Variants in PCDH15 observed in about 807,000 individuals in gnomAD.
PCDH15 encodes the protein protocadherin related 15, also known as protocadherin-15.
Under a neutral mutation model 178.5 loss-of-function variants are expected in PCDH15, and 129 were observed. That is an observed-to-expected ratio of 0.72 (90% CI 0.63 to 0.84). The LOEUF (loss-of-function observed/expected upper bound fraction) is 0.84, where lower values mean the gene tolerates loss of function less well. Among genes scored for constraint, PCDH15 ranks in the 40% least tolerant of loss-of-function variants. The pLI is 0.00. For synonymous variants in PCDH15, 800 were observed against 732.0 expected, an observed-to-expected ratio of 1.09 and a Z score of -1.50; for missense variants, 2,230 against 2,099.9, an observed-to-expected ratio of 1.06 and a Z score of -1.21.
At chr10:54,785,372 T>C (rs1033741295) in intron 1 of PCDH15, among the ~76,000 whole-genome samples, 4 of 152,012 alleles carry the variant, frequency 2.6e-5, no homozygotes, top group Non-Finnish European at 2.9e-5. Flanking sequence ...CCCTCCTCCT[T>C]TCTTAAGCTT....
intron 2 of PCDH15, among the ~76,000 whole-genome samples, chr10:55,509,348 A>G (rs1840829958): frequency 6.6e-6 from 1 of 151,782 alleles, no homozygotes; most frequent in Non-Finnish European, 1.5e-5. Context: ...CTGGGTGTCC[A>G]AAACCAAAAC....
At chr10:54,153,370 A>G in intron 13 of PCDH15, 77 bp from the exon 14 acceptor site, 2 of 1,501,450 alleles carry the variant, frequency 1.3e-6, no homozygotes, top group Non-Finnish European at 9.2e-7. Context: ...CCCCAACAAA[A>G]GAAGCTTGCT....
At chr10:54,760,375 A>G (rs201833574) in intron 1 of PCDH15, among the ~76,000 whole-genome samples, 1 of 65,134 alleles carries the variant, frequency 1.5e-5, no homozygotes, top group East Asian at 2.5e-4. Flanking sequence ...CAACATATAT[A>G]TTTTTTTTAT....
At chr10:54,616,431 TG>T (rs939031793) in intron 2 of PCDH15, among the ~76,000 whole-genome samples, 4 of 152,196 alleles carry the variant, frequency 2.6e-5, no homozygotes, top group African/African-American at 9.6e-5. Flanking sequence ...TTCATCTGTT[TG>T]GGGTTATTTA....
At chr10:55,318,485 G>T (rs11004808) in intron 1 of PCDH15, among the ~76,000 whole-genome samples, 39,604 of 151,906 alleles carry the variant, frequency 0.26, 6,328 homozygotes, top group Admixed American at 0.36. Flanking sequence ...GATAAAAATC[G>T]AAAGTTCAAT....
At chr10:54,823,428 C>T (rs1953080156) in intron 3 of PCDH15, among the ~76,000 whole-genome samples, 1 of 152,098 alleles carries the variant, frequency 6.6e-6, no homozygotes, top group Non-Finnish European at 1.5e-5. Context: ...ATGGTAAAAG[C>T]TTGTAACACT....
chr10:54,092,098 T>C (rs572182928), intron 15 of PCDH15, among the ~76,000 whole-genome samples: 1 of 152,180 alleles, frequency 6.6e-6, no homozygotes, highest in Non-Finnish European at 1.5e-5. Flanking sequence ...AATAATCTAT[T>C]GTTTTCACTG....
chr10:55,516,531 A>ATGTC (rs1411256807), intron 2 of PCDH15, among the ~76,000 whole-genome samples: 1 of 152,144 alleles, frequency 6.6e-6, no homozygotes, highest in Non-Finnish European at 1.5e-5. Context: ...CTGAATAGCA[A>ATGTC]TGTCTGCCTG....
At chr10:55,001,074 C>T (rs1423589064) in intron 2 of PCDH15, among the ~76,000 whole-genome samples, 1 of 152,026 alleles carries the variant, frequency 6.6e-6, no homozygotes, top group East Asian at 1.9e-4. Flanking sequence ...CTCCTCTCCT[C>T]TCTTCTGAGA....
intron 2 of PCDH15, among the ~76,000 whole-genome samples, chr10:55,139,408 AG>A (rs1368668074): frequency 6.6e-6 from 1 of 151,532 alleles, no homozygotes; most frequent in Non-Finnish European, 1.5e-5. Context: ...AAAGTCTTAT[AG>A]TTTTGTATTT....
intron 16 of PCDH15, among the ~76,000 whole-genome samples, chr10:54,087,810 G>A (rs1307657022): frequency 6.6e-6 from 1 of 152,144 alleles, no homozygotes; most frequent in Non-Finnish European, 1.5e-5. Context: ...CTGCTGGAAG[G>A]TGATTGGCTC....
At chr10:54,063,058 G>T (rs1408206949) in intron 18 of PCDH15, among the ~76,000 whole-genome samples, 6 of 152,044 alleles carry the variant, frequency 3.9e-5, no homozygotes, top group African/African-American at 1.4e-4. Flanking sequence ...TAATAAAGAC[G>T]ATTACATTAG....
At chr10:53,821,715 T>C in intron 32 of PCDH15, 1 of 1,479,622 alleles carries the variant, frequency 6.8e-7, no homozygotes, top group South Asian at 1.4e-5. Flanking sequence ...TAATATCTTT[T>C]TAAATTAAAA....
chr10:54,634,170 G>A (rs1461271361), intron 2 of PCDH15, among the ~76,000 whole-genome samples: 2 of 148,412 alleles, frequency 1.3e-5, no homozygotes, highest in Admixed American at 1.3e-4. Context: ...TTTTTATATG[G>A]TAAATTATAA....
chr10:54,621,641 T>C (rs565808442), intron 2 of PCDH15, among the ~76,000 whole-genome samples: 31 of 152,164 alleles, frequency 2.0e-4, no homozygotes, highest in African/African-American at 7.2e-4. Flanking sequence ...TTTTCTCTTT[T>C]TAAAAGTACC....
At chr10:54,171,492 T>A (rs2046902386) in intron 13 of PCDH15, among the ~76,000 whole-genome samples, 1 of 151,998 alleles carries the variant, frequency 6.6e-6, no homozygotes, top group East Asian at 1.9e-4. Context: ...AAACTTGTCA[T>A]CCCTACTATC....
rs556639926 is a variant in PCDH15 at position 55,228,675 on chromosome 10, C to T, written c.-155-62024G>A. On this transcript the variant is annotated intron_variant, in intron 1 of 5. Coordinates refer to the PCDH15 transcript ENST00000458638. ...TAAGGGAGCTTGCCAAGGTAAATTA[C>T]CCTAGCAAATATACATTTGACACAT... Among the ~76,000 whole-genome samples the T allele has an allele frequency of 3.9e-5, 6 of 151,964 alleles. No homozygotes were observed. In the East Asian group the frequency reaches 1.2e-3, roughly 29 times the overall value.
At chr10:54,338,518 C>T (rs1941630494) in intron 6 of PCDH15, among the ~76,000 whole-genome samples, 1 of 151,858 alleles carries the variant, frequency 6.6e-6, no homozygotes, top group South Asian at 2.1e-4. Context: ...AATTCAAATG[C>T]TTACACATTA....
chr10:53,978,467 G>A (rs898006769), intron 21 of PCDH15, among the ~76,000 whole-genome samples: 5 of 151,986 alleles, frequency 3.3e-5, no homozygotes, highest in Admixed American at 6.6e-5. Flanking sequence ...TACACAGCAG[G>A]GGGGTCCCTG....
Sources: gnomAD v4.1 joint callset for allele counts (sites outside exome capture counted in the v4.1 genomes callset) on GRCh38, gnomAD v4.1.1 for gene constraint, MANE v1.5 for transcripts, NCBI Gene and HGNC (gene_info 2026-07-23, HGNC 2026-07-21) for gene names.